The following GPC5 variants were observed in gnomAD, a reference collection of about 807,000 sequenced individuals.
GPC5 encodes glypican-5.
Under a neutral mutation model 53.9 loss-of-function variants are expected in GPC5, and 47 were observed. That is an observed-to-expected ratio of 0.87 (90% confidence interval 0.69 to 1.11). GPC5 has a LOEUF of 1.11. GPC5 is among the 50% of genes most tolerant of loss of function. The pLI is 0.00. For missense variants in GPC5, 748 were observed against 713.1 expected, an observed-to-expected ratio of 1.05 and a Z score of -0.56; for synonymous variants, 286 against 263.3, an observed-to-expected ratio of 1.09 and a Z score of -0.84.
At chr13:91,598,750 A>C (rs2033080736) in intron 2 of GPC5, among the ~76,000 whole-genome samples, 1 of 152,134 alleles carries the variant, frequency 6.6e-6, no homozygotes, top group South Asian at 2.1e-4. Context: ...TTAGGAATGC[A>C]GTTTCTGGCA....
intron 6 of GPC5, among the ~76,000 whole-genome samples, chr13:92,114,192 CCTT>C (rs2041581563): frequency 6.6e-6 from 1 of 152,126 alleles, no homozygotes; most frequent in East Asian, 1.9e-4. Flanking sequence ...AGCTCTTTGT[CCTT>C]CTTTGACATG....
chr13:92,042,948 G>C, intron 6 of GPC5, among the ~76,000 whole-genome samples: 1 of 152,160 alleles, frequency 6.6e-6, no homozygotes, highest in East Asian at 1.9e-4. Context: ...GGAAATTCTA[G>C]AGTGGAAAAT....
chr13:92,162,930 T>C (rs952996191), intron 7 of GPC5, among the ~76,000 whole-genome samples: 12 of 152,134 alleles, frequency 7.9e-5, no homozygotes, highest in African/African-American at 2.7e-4. Context: ...ATACATAATA[T>C]ATATAATTAC....
chr13:91,598,859 T>C (rs1336212), intron 2 of GPC5, among the ~76,000 whole-genome samples: 5,702 of 151,988 alleles, frequency 0.038, 358 homozygotes, highest in African/African-American at 0.13. Context: ...ACTGGAAAGC[T>C]ATATAAAGAA....
chr13:92,422,488 T>TCTCA (rs1491457303), intron 7 of GPC5, among the ~76,000 whole-genome samples: 4 of 133,314 alleles, frequency 3.0e-5, no homozygotes, highest in African/African-American at 5.8e-5. Context: ...CATCACCATC[T>TCTCA]CACACACACA....
rs532892027 is a variant in GPC5 at position 91,934,681 on chromosome 13, C to T, written c.1401+26624C>T. On this transcript the variant is annotated intron_variant, in intron 6 of 7. Coordinates refer to ENST00000377067, the MANE Select transcript of GPC5 (RefSeq NM_004466.6). ...ATGAACAGCGTCCCAGAAATGACTT[C>T]GATTATTGAATGATGTGTTTGATAC... Among the ~76,000 whole-genome samples the T allele has an allele frequency of 1.3e-3, 198 of 151,874 alleles. 2 individuals are homozygous for T. Among genetic ancestry groups the T allele is most frequent in the South Asian group, 0.012 (60 of 4,822 alleles).
intron 7 of GPC5, among the ~76,000 whole-genome samples, chr13:92,681,167 G>A (rs558743015): frequency 6.6e-6 from 1 of 151,580 alleles, no homozygotes; most frequent in East Asian, 1.9e-4. Flanking sequence ...TTCAGTAAGC[G>A]ATTTACCTCC....
At chr13:91,950,347 C>T (rs2139058534) in intron 6 of GPC5, among the ~76,000 whole-genome samples, 1 of 147,518 alleles carries the variant, frequency 6.8e-6, no homozygotes, top group South Asian at 2.2e-4. Flanking sequence ...CTGCTCCCCT[C>T]CCTCCTCCTC....
At chr13:92,680,490 A>G (rs969808910) in intron 7 of GPC5, among the ~76,000 whole-genome samples, 1 of 152,180 alleles carries the variant, frequency 6.6e-6, no homozygotes, top group Non-Finnish European at 1.5e-5. Flanking sequence ...AAAGTGAAGC[A>G]AAAAGAACAT....
At chr13:92,238,673 A>G (rs1166373975) in intron 7 of GPC5, among the ~76,000 whole-genome samples, 1 of 152,028 alleles carries the variant, frequency 6.6e-6, no homozygotes, top group Non-Finnish European at 1.5e-5. Context: ...GTCCGTTATT[A>G]GACATATAAT....
At chr13:92,458,961 G>A (rs1277188906) in intron 7 of GPC5, among the ~76,000 whole-genome samples, 1 of 152,036 alleles carries the variant, frequency 6.6e-6, no homozygotes, top group African/African-American at 2.4e-5. Flanking sequence ...GAATAATGCT[G>A]TTTTTATTAA....
intron 2 of GPC5, among the ~76,000 whole-genome samples, chr13:91,531,740 T>A (rs1482343678): frequency 6.6e-6 from 1 of 152,230 alleles, no homozygotes; most frequent in Non-Finnish European, 1.5e-5. Context: ...GTACTCTAAA[T>A]AGGAACTGGT....
chr13:92,120,673 T>G (rs1480857447), intron 6 of GPC5, among the ~76,000 whole-genome samples: 1 of 152,224 alleles, frequency 6.6e-6, no homozygotes, highest in Non-Finnish European at 1.5e-5. Flanking sequence ...AATAACACAT[T>G]TATACATATG....
At chr13:92,010,588 TGA>T (rs1307676479) in intron 6 of GPC5, among the ~76,000 whole-genome samples, 1 of 152,148 alleles carries the variant, frequency 6.6e-6, no homozygotes, top group African/African-American at 2.4e-5. Context: ...TAAGGTTAAA[TGA>T]GTTTATAAAA....
intron 6 of GPC5, among the ~76,000 whole-genome samples, chr13:92,008,610 G>T (rs981920771): frequency 6.6e-6 from 1 of 152,046 alleles, no homozygotes; most frequent in Non-Finnish European, 1.5e-5. Flanking sequence ...TGACAATGTA[G>T]TTCCATTTTT....
At chr13:91,978,232 AT>A (rs1456093838) in intron 6 of GPC5, among the ~76,000 whole-genome samples, 2 of 152,224 alleles carry the variant, frequency 1.3e-5, no homozygotes, top group African/African-American at 4.8e-5. Context: ...CCTCCTCAAC[AT>A]CAGCATGTTC....
intron 7 of GPC5, among the ~76,000 whole-genome samples, chr13:92,245,698 ATAT>A (rs981278966): frequency 6.6e-6 from 1 of 152,114 alleles, no homozygotes; most frequent in African/African-American, 2.4e-5. Flanking sequence ...TAGTGTCTTA[ATAT>A]TATGTAACAG....
chr13:92,210,542 A>G (rs2139073736), intron 7 of GPC5, among the ~76,000 whole-genome samples: 1 of 152,290 alleles, frequency 6.6e-6, no homozygotes, highest in East Asian at 1.9e-4. Context: ...CGAACTAGTG[A>G]ACCTCTCCAG....
chr13:92,155,300 C>CA (rs1320584247), intron 7 of GPC5, among the ~76,000 whole-genome samples: 1 of 151,896 alleles, frequency 6.6e-6, no homozygotes, highest in African/African-American at 2.4e-5. Flanking sequence ...GCATTAGTGG[C>CA]AAAAATTATA....
Sources: gnomAD v4.1 joint callset for allele counts (sites outside exome capture counted in the v4.1 genomes callset) on GRCh38, gnomAD v4.1.1 for gene constraint, MANE v1.5 for transcripts, NCBI Gene and HGNC (gene_info 2026-07-23, HGNC 2026-07-21) for gene names.